SPECC1: variants seen among roughly 807,000 people sequenced by gnomAD.
SPECC1 encodes sperm antigen with calponin homology and coiled-coil domains 1, also known as cytospin-B.
In SPECC1, 62 loss-of-function variants were observed where a neutral mutation model predicts 104.1. The ratio of observed to expected loss-of-function variants is 0.60; its 90% CI spans 0.49 to 0.74. SPECC1 has a LOEUF of 0.74. Among genes scored for constraint, SPECC1 ranks in the 30% least tolerant of loss-of-function variants. The pLI is 0.00. For synonymous variants in SPECC1, 513 were observed against 501.6 expected (o/e 1.02, Z -0.30); for missense variants, 1,306 against 1,310.5 (o/e 1.00, Z 0.05).
intron 3 of SPECC1, among the ~76,000 whole-genome samples, chr17:20,193,301 T>G (rs2035794699): frequency 6.6e-6 from 1 of 152,206 alleles, no homozygotes; most frequent in African/African-American, 2.4e-5. Flanking sequence ...GCCAACCTGT[T>G]ATCTCATCCT....
At chr17:20,154,385 A>C (rs2032274567) in intron 3 of SPECC1, among the ~76,000 whole-genome samples, 1 of 152,160 alleles carries the variant, frequency 6.6e-6, no homozygotes, top group Admixed American at 6.5e-5. Context: ...AGAGGGTGAG[A>C]CATAAGGTCT....
At chr17:20,074,829 C>A (rs2046693926) in intron 1 of SPECC1, among the ~76,000 whole-genome samples, 1 of 152,206 alleles carries the variant, frequency 6.6e-6, no homozygotes, top group African/African-American at 2.4e-5. Flanking sequence ...ACTAAACTTT[C>A]ATTTGAAAAC....
intron 7 of SPECC1, chr17:20,237,959 CT>C (rs1445049429): frequency 3.6e-6 from 3 of 838,594 alleles, no homozygotes; most frequent in African/African-American, 3.7e-5. Flanking sequence ...TCAGGCTGGT[CT>C]CGAACTCCTG....
chr17:20,096,662 C>A lies in SPECC1; in HGVS notation c.11C>A (p.Ala4Glu). Residue 4 changes from alanine to glutamate, a missense_variant, in exon 2 of 15, where the codon GCA becomes GAA. Around this residue, in one of 2 missense-constraint regions of SPECC1, gnomAD observed 1,177 missense variants for 1,139.9 expected, o/e 1.03. Transcript: ENST00000395527. The part of the protein sequence containing the change: MRS[A>E]AKPWNPAIRA... ...CCCACGAAGTCAAGCATGCGGAGTG[C>A]AGCCAAGCCCTGGAACCCAGCCATC... 6.2e-7 allele frequency: 1 copy of A among 1,613,010 alleles called. No homozygotes were observed. Among genetic ancestry groups the A allele is most frequent in the Non-Finnish European group, 8.5e-7 (1 of 1,179,362 alleles).
chr17:20,232,474 T>C, intron 7 of SPECC1, 69 bp downstream of exon 7: 2 of 1,502,104 alleles, frequency 1.3e-6, no homozygotes, highest in South Asian at 2.5e-5. Flanking sequence ...CTGGTGGGGA[T>C]GGGACTCTTC....
chr17:20,197,929 AT>A (rs933370543), intron 3 of SPECC1, among the ~76,000 whole-genome samples: 18 of 152,248 alleles, frequency 1.2e-4, no homozygotes, highest in Admixed American at 2.6e-4. Flanking sequence ...ATAAATACTG[AT>A]TTTTCCCCCC....
rs747499400 is a variant in SPECC1, at chr17:20,096,792, C to A, written c.141C>A (p.Leu47=). 1 of 1,613,412 alleles carries A rather than the reference C, an allele frequency of 6.2e-7. No individual in the cohort carries two copies. Among genetic ancestry groups the A allele is most frequent in the South Asian group, 1.1e-5 (1 of 90,956 alleles). The change falls in exon 2 of 15, where the codon CTC becomes CTA. Residue 47 remains leucine (L), a synonymous_variant. Transcript: ENST00000395527. ...SSTSLAFESR[L]SRLKRASSED... ...CTTCCTTGGCTTTTGAGTCCCGACT[C>A]AGCAGGGTATGGATCAAAATGCACA...
At position 20,253,591 on chromosome 17, in the gene SPECC1, A is replaced by G. The variant is rs1456737472; in HGVS notation, c.2680+5A>G. On this transcript the variant is annotated splice_donor_5th_base_variant and intron_variant, in intron 10 of 14. Transcript: ENST00000395527. Reference sequence around the variant, plus strand: ...TTCCTGACCTTCCCCTCTCAGGTAAATTATGTCAACATAAAGAACTTTTGA... The same window carrying G: ...TTCCTGACCTTCCCCTCTCAGGTAAGTTATGTCAACATAAAGAACTTTTGA... 1.2e-6 allele frequency: 2 copies of G among 1,613,716 alleles called. No individual in the cohort carries two copies. The highest frequency in any genetic ancestry group is 2.2e-5 in the South Asian group (2 of 91,038).
chr17:20,238,913 T>C, intron 7 of SPECC1: 1 of 1,042,472 alleles, frequency 9.6e-7, no homozygotes, highest in Non-Finnish European at 1.2e-6. Context: ...TTAGTTTTAA[T>C]CACCAGCTAC....
intron 4 of SPECC1, among the ~76,000 whole-genome samples, chr17:20,206,236 G>C (rs534838520): frequency 1.3e-5 from 2 of 152,316 alleles, no homozygotes; most frequent in South Asian, 4.1e-4. Flanking sequence ...GGTGTAACGT[G>C]GGGGTTGGGC....
At chr17:20,195,083 G>A (rs897344234) in intron 3 of SPECC1, among the ~76,000 whole-genome samples, 4 of 152,154 alleles carry the variant, frequency 2.6e-5, no homozygotes, top group Non-Finnish European at 5.9e-5. Context: ...GGTAACTCCT[G>A]TTTTGCTTGA....
chr17:20,296,286 C>T (rs2041347838), intron 12 of SPECC1, among the ~76,000 whole-genome samples: 3 of 152,122 alleles, frequency 2.0e-5, no homozygotes, highest in Admixed American at 1.3e-4. Flanking sequence ...GAATCCTTTC[C>T]CCGTTGCTTG....
chr17:20,293,668 C>G (rs182770948), intron 12 of SPECC1, among the ~76,000 whole-genome samples: 1 of 152,320 alleles, frequency 6.6e-6, no homozygotes, highest in East Asian at 1.9e-4. Flanking sequence ...CTAGACTTGC[C>G]CATTTCTTCT....
chr17:20,125,346 ACAC>A (rs2049247407), intron 3 of SPECC1, among the ~76,000 whole-genome samples: 1 of 152,194 alleles, frequency 6.6e-6, no homozygotes, highest in Non-Finnish European at 1.5e-5. Flanking sequence ...AGGGTAAGTC[ACAC>A]CATCATAAGT....
rs147778432 is a variant in SPECC1 at position 20,289,937 on chromosome 17, A to G, written c.2941-7024A>G. Among the ~76,000 whole-genome samples, 1,063 of 152,304 alleles carry G rather than the reference A, an allele frequency of 7.0e-3. 13 individuals carry two copies. Among genetic ancestry groups the G allele is most frequent in the African/African-American group, 0.023 (956 of 41,560 alleles). ...GGCAGGGAAACTTTTTAGAGAGAAGAAGAGTGTTTCCTGATCATGGGCTTG... is the reference window on the plus strand; with the variant it reads ...GGCAGGGAAACTTTTTAGAGAGAAGGAGAGTGTTTCCTGATCATGGGCTTG... On this transcript the variant is annotated intron_variant, in intron 12 of 14. Transcript: ENST00000395527.
rs536025327 is a variant in SPECC1 at position 20,236,108 on chromosome 17, C to G, written c.2351+3703C>G. Among the ~76,000 whole-genome samples the G allele has an allele frequency of 2.0e-5, 3 of 152,302 alleles. No homozygotes were observed. The East Asian group carries it at 5.8e-4, about 29-fold the overall frequency. ...AGATTCTTTAAGGTCCCTTTTCCAG[C>G]TGTCTTGCCACAGATGCTCTGATAC... On this transcript the variant is annotated intron_variant, in intron 7 of 14. Transcript: ENST00000395527.
chr17:20,028,219 G>A (rs2044671789), intron 1 of SPECC1, among the ~76,000 whole-genome samples: 1 of 146,722 alleles, frequency 6.8e-6, no homozygotes, highest in Non-Finnish European at 1.5e-5. Context: ...GGATGTGGTG[G>A]CTGATGCCTA....
chr17:20,104,985 A>G (rs923072860), intron 2 of SPECC1, among the ~76,000 whole-genome samples: 15 of 152,082 alleles, frequency 9.9e-5, no homozygotes, highest in Non-Finnish European at 2.2e-4. Flanking sequence ...AACAGCTGCA[A>G]TGATGATGTT....
rs528971707 is a variant in SPECC1 at position 20,242,638 on chromosome 17, A to G, written c.2352-3288A>G. 5.9e-5 allele frequency among the ~76,000 whole-genome samples: 9 copies of G among 152,340 alleles called. No individual in the cohort carries two copies. In the South Asian group the frequency reaches 8.3e-4, roughly 14 times the overall value. On this transcript the variant is annotated intron_variant, in intron 7 of 14. Transcript: ENST00000395527. ...TACTTAAAATTTAGGAAGAAATACCATCAGTATTATTTCTAGAACCTTGTA... is the reference window on the plus strand; with the variant it reads ...TACTTAAAATTTAGGAAGAAATACCGTCAGTATTATTTCTAGAACCTTGTA...
Sources: gnomAD v4.1 joint callset for allele counts (sites outside exome capture counted in the v4.1 genomes callset) on GRCh38, gnomAD v4.1.1 for gene constraint, gnomAD v4.1.1 regional missense constraint, MANE v1.5 for transcripts, NCBI Gene and HGNC (gene_info 2026-07-23, HGNC 2026-07-21) for gene names.